The following SLC24A2 variants were observed in gnomAD, a reference collection of about 807,000 sequenced individuals.
SLC24A2 encodes solute carrier family 24 member 2, also known as sodium/potassium/calcium exchanger 2.
SLC24A2 carries 36 observed loss-of-function variants against 62.0 expected under a neutral mutation model. That is an observed-to-expected ratio of 0.58 (90% CI 0.44 to 0.77). SLC24A2 has a LOEUF of 0.77. Among genes scored for constraint, SLC24A2 ranks in the 30% least tolerant of loss-of-function variants. SLC24A2 has a pLI of 0.00. For synonymous variants in SLC24A2, 358 were observed against 294.0 expected, an observed-to-expected ratio of 1.22 and a Z score of -2.23; for missense variants, 846 against 817.9, an observed-to-expected ratio of 1.03 and a Z score of -0.42.
At chr9:20,091,008 C>A in the SLC24A2 span, among the ~76,000 whole-genome samples, 1 of 151,382 alleles carries the variant, frequency 6.6e-6, no homozygotes, top group Non-Finnish European at 1.5e-5. Context: ...AAAACAGAAC[C>A]TAACTGATCT....
chr9:20,099,499 T>C, the SLC24A2 span, among the ~76,000 whole-genome samples: 1 of 152,186 alleles, frequency 6.6e-6, no homozygotes, highest in Non-Finnish European at 1.5e-5. Flanking sequence ...ATAGTTGTAA[T>C]GAAATCCCTG....
At chr9:20,049,147 A>G in the SLC24A2 span, among the ~76,000 whole-genome samples, 2 of 152,182 alleles carry the variant, frequency 1.3e-5, no homozygotes, top group African/African-American at 2.4e-5. Context: ...CAGACAAGAT[A>G]TTAAGATGGG....
At chr9:20,110,683 A>G in the SLC24A2 span, among the ~76,000 whole-genome samples, 3 of 152,216 alleles carry the variant, frequency 2.0e-5, no homozygotes, top group Non-Finnish European at 2.9e-5. Flanking sequence ...ACTCTTATTG[A>G]TATTAGAATT....
intron 7 of SLC24A2, among the ~76,000 whole-genome samples, chr9:19,561,424 G>A (rs1835394294): frequency 7.1e-6 from 1 of 140,544 alleles, no homozygotes. Flanking sequence ...TAACAGTTAA[G>A]TGGAAAACAG....
the SLC24A2 span, among the ~76,000 whole-genome samples, chr9:20,005,476 T>C: frequency 6.6e-6 from 1 of 152,174 alleles, no homozygotes; most frequent in Non-Finnish European, 1.5e-5. Flanking sequence ...ATTTTACAGA[T>C]GAGGAAATAC....
intron 2 of SLC24A2, among the ~76,000 whole-genome samples, chr9:19,659,883 C>G (rs1819046368): frequency 6.6e-6 from 1 of 152,176 alleles, no homozygotes; most frequent in Admixed American, 6.6e-5. Flanking sequence ...AGAAGAGCAG[C>G]TGGGCAAGAG....
chr9:19,572,175 G>C (rs1183579190), intron 7 of SLC24A2, among the ~76,000 whole-genome samples: 1 of 144,608 alleles, frequency 6.9e-6, no homozygotes, highest in African/African-American at 2.6e-5. Context: ...CAGGAGAATT[G>C]CTTGAACCCA....
At chr9:20,295,383 T>C in the SLC24A2 span, among the ~76,000 whole-genome samples, 3 of 152,184 alleles carry the variant, frequency 2.0e-5, no homozygotes, top group East Asian at 1.9e-4. Context: ...AAATTAAGTA[T>C]AGTTTAAGGG....
At chr9:20,214,651 G>T in the SLC24A2 span, among the ~76,000 whole-genome samples, 398 of 152,044 alleles carry the variant, frequency 2.6e-3, 1 homozygote, top group Middle Eastern at 6.8e-3. Context: ...TTGTTAAAAG[G>T]GTAAATCTCA....
chr9:20,204,005 C>G, the SLC24A2 span, among the ~76,000 whole-genome samples: 1 of 152,048 alleles, frequency 6.6e-6, no homozygotes, highest in Non-Finnish European at 1.5e-5. Flanking sequence ...CTGAATTATA[C>G]TCAATATATT....
the SLC24A2 span, among the ~76,000 whole-genome samples, chr9:20,072,176 A>G: frequency 6.6e-6 from 1 of 152,108 alleles, no homozygotes; most frequent in African/African-American, 2.4e-5. Context: ...AGCATGGATA[A>G]TGGTGTCAAA....
At chr9:19,843,181 G>A in the SLC24A2 span, among the ~76,000 whole-genome samples, 1 of 152,128 alleles carries the variant, frequency 6.6e-6, no homozygotes, top group African/African-American at 2.4e-5. Context: ...CCTTTGTCTT[G>A]AAATTGTGCC....
At chr9:19,968,728 C>T in the SLC24A2 span, among the ~76,000 whole-genome samples, 1 of 152,272 alleles carries the variant, frequency 6.6e-6, no homozygotes, top group Non-Finnish European at 1.5e-5. Flanking sequence ...GTCCTTGGCC[C>T]TCTAATGCTC....
intron 5 of SLC24A2, among the ~76,000 whole-genome samples, chr9:19,590,397 C>CTATT (rs1372761330): frequency 6.6e-6 from 1 of 152,116 alleles, no homozygotes; most frequent in Admixed American, 6.5e-5. Context: ...TGAAACTTGA[C>CTATT]TATTTCCTGA....
At chr9:20,007,589 T>G in the SLC24A2 span, among the ~76,000 whole-genome samples, 4 of 152,174 alleles carry the variant, frequency 2.6e-5, no homozygotes, top group Non-Finnish European at 5.9e-5. Context: ...ATAAAGTAAC[T>G]ACTTTATTGA....
the SLC24A2 span, among the ~76,000 whole-genome samples, chr9:20,014,368 A>T: frequency 7.9e-5 from 12 of 152,014 alleles, no homozygotes; most frequent in Admixed American, 2.0e-4. Context: ...CAGTAACCCC[A>T]CTTCTGGGTA....
the SLC24A2 span, among the ~76,000 whole-genome samples, chr9:20,224,373 T>C: frequency 6.6e-6 from 1 of 151,734 alleles, no homozygotes; most frequent in Non-Finnish European, 1.5e-5. Context: ...ATCAGAGAAA[T>C]TCAATTTACA....
intron 2 of SLC24A2, among the ~76,000 whole-genome samples, chr9:19,753,699 T>G (rs1822051953): frequency 6.6e-6 from 1 of 152,210 alleles, no homozygotes; most frequent in African/African-American, 2.4e-5. Context: ...GGCCACCTCT[T>G]TAGAATAAGT....
chr9:19,934,328 A>G, the SLC24A2 span, among the ~76,000 whole-genome samples: 1 of 152,146 alleles, frequency 6.6e-6, no homozygotes, highest in African/African-American at 2.4e-5. The surrounding 1 kb of genome is among the most constrained non-coding windows in gnomAD (Gnocchi z 4.1). Flanking sequence ...TTTGGCAGGA[A>G]GCAAACAGGT....
Sources: gnomAD v4.1 joint callset for allele counts (sites outside exome capture counted in the v4.1 genomes callset) on GRCh38, gnomAD v4.1.1 for gene constraint, Gnocchi (gnomAD v3.1) non-coding constraint, MANE v1.5 for transcripts, NCBI Gene and HGNC (gene_info 2026-07-23, HGNC 2026-07-21) for gene names.